The following IFT172 variants were observed in gnomAD, a reference collection of about 807,000 sequenced individuals.
IFT172 encodes the protein intraflagellar transport protein 172 homolog.
Under a neutral mutation model 248.9 loss-of-function variants are expected in IFT172, and 164 were observed. The observed-to-expected ratio is 0.66, with a 90% CI of 0.58 to 0.75. The LOEUF (loss-of-function observed/expected upper bound fraction) is 0.75, where lower values mean the gene tolerates loss of function less well. Ranked by LOEUF, IFT172 falls within the 30% of genes least tolerant of loss-of-function variation. The pLI is 0.00. For synonymous variants in IFT172, 729 were observed against 791.6 expected (o/e 0.92, Z 1.33); for missense variants, 1,950 against 2,192.4 (o/e 0.89, Z 2.21).
In IFT172 at chr2:27,480,163, T is replaced by C. The variant is rs781356965; in HGVS notation, c.786-14A>G. On this transcript the variant is annotated splice_polypyrimidine_tract_variant and intron_variant, in intron 8 of 47. Coordinates refer to ENST00000260570, the MANE Select transcript of IFT172 (RefSeq NM_015662.3). ...AACACCCGAAGCCTGAAATAAAGTA[T>C]GTGGCTTTTAGAAGAGATTGAGGCT... 1.5e-5 allele frequency: 24 copies of C among 1,611,626 alleles called. No individual in the cohort carries two copies. Among genetic ancestry groups the C allele is most frequent in the Non-Finnish European group, 2.0e-5 (23 of 1,179,220 alleles).
At chr2:27,488,203 G>C (rs1482460390) in intron 1 of IFT172, among the ~76,000 whole-genome samples, 1 of 151,942 alleles carries the variant, frequency 6.6e-6, no homozygotes, top group Non-Finnish European at 1.5e-5. Flanking sequence ...CCCCAGGCTG[G>C]AGTGCAGTGG....
chr2:27,455,300 AT>A, intron 30 of IFT172: 1 of 332,532 alleles, frequency 3.0e-6, no homozygotes, highest in Non-Finnish European at 5.8e-6. Flanking sequence ...TAAATTGGCG[AT>A]TTTGAAATAA....
rs775858949 is a variant in IFT172, at chr2:27,449,814, A to T, written c.4051-14T>A. 1.3e-6 allele frequency: 2 copies of T among 1,587,760 alleles called. No homozygotes were observed. The highest frequency in any genetic ancestry group is 1.7e-6 in the Non-Finnish European group (2 of 1,159,936). ...GAGCTCTGCAGCCTGCACAGTGGGA[A>T]ATCAGCGTGGAGACTTTCTCCTCGC... On this transcript the variant is annotated splice_polypyrimidine_tract_variant and intron_variant, in intron 36 of 47. Coordinates refer to ENST00000260570, the MANE Select transcript of IFT172 (RefSeq NM_015662.3).
Position 27,453,705 on chromosome 2 carries a change from C to T in IFT172, c.3746G>A (p.Cys1249Tyr), listed in dbSNP as rs139455520. The T allele has an allele frequency of 1.2e-6, 2 of 1,612,196 alleles. No individual in the cohort carries two copies. Among genetic ancestry groups the T allele is most frequent in the Non-Finnish European group, 1.7e-6 (2 of 1,179,598 alleles). Residue 1249 changes from cysteine to tyrosine, a missense_variant, in exon 34 of 48, where the codon TGC becomes TAC. Cys to Tyr is a radical substitution (Grantham distance 194). Transcript: ENST00000260570. Reference sequence around the variant, plus strand: ...CAGCTGGCTGGGCACATAGTCCTTGCAGATGCGCAGAGCGTCACTCCATAA... The same window carrying T: ...CAGCTGGCTGGGCACATAGTCCTTGTAGATGCGCAGAGCGTCACTCCATAA... The part of the protein sequence containing the change: ...AGLWSDALRI[C>Y]KDYVPSQLEA...
intron 4 of IFT172, 142 bp from the exon 5 acceptor site, chr2:27,484,079 T>C (rs2148557329): frequency 1.5e-6 from 2 of 1,304,456 alleles, no homozygotes; most frequent in East Asian, 4.6e-5. Context: ...AGACAGCAGA[T>C]GACCATGAAC....
intron 42 of IFT172, among the ~76,000 whole-genome samples, chr2:27,447,062 C>T (rs958197610): frequency 6.6e-6 from 1 of 151,878 alleles, no homozygotes; most frequent in Non-Finnish European, 1.5e-5. Context: ...AGGCTGGTCT[C>T]GAACTCCTGG....
At position 27,479,602 on chromosome 2, in the gene IFT172, G is replaced by A; in HGVS notation, c.912C>T (p.Gly304=). 1 of 1,597,984 alleles carries A rather than the reference G, an allele frequency of 6.3e-7. No individual in the cohort carries two copies. The highest frequency in any genetic ancestry group is 8.6e-7 in the Non-Finnish European group (1 of 1,165,438). The change falls in exon 10 of 48, where the codon GGC becomes GGT. Residue 304 remains glycine (G), a splice_region_variant and synonymous_variant. Coordinates refer to ENST00000260570, the MANE Select transcript of IFT172 (RefSeq NM_015662.3). The part of the protein sequence containing the change: ...WKRDGSRLCV[G]TLCGGVEQFD... ...ACTGTTCCACCCCACCACATAGTGT[G>A]CCCTAGAAGGGAAAGTGACAGCATA...
At position 27,454,623 on chromosome 2, in the gene IFT172, G is replaced by C. The variant is rs759417569; in HGVS notation, c.3409C>G (p.Leu1137Val). 1 of 1,614,078 alleles carries C rather than the reference G, an allele frequency of 6.2e-7. No individual in the cohort carries two copies. The highest frequency in any genetic ancestry group is 1.3e-5 in the African/African-American group (1 of 75,004). ...TGAACCTCGGGGGTTTTGTGCTTGA[G>C]GGCCAGCCGAGAGAGTTCAAACGCA... ...EFAFELSRLA[L>V]KHKTPEVHLK... Residue 1137 changes from leucine (L) to valine (V), a missense_variant, in exon 31 of 48, where the codon CTC becomes GTC. Physicochemically the swap from Leu to Val is conservative, Grantham distance 32 (BLOSUM62 1). This residue lies in a region of IFT172 where 164 missense variants were observed against 239.3 expected (regional missense o/e 0.69). Transcript: ENST00000260570. This position sits in a 1 kb window ranked among gnomAD's most constrained non-coding sequence, Gnocchi z 4.2.
chr2:27,470,065 AAAAAGGTGCTT>A (rs1306671417), intron 16 of IFT172, among the ~76,000 whole-genome samples: 2 of 152,122 alleles, frequency 1.3e-5, no homozygotes, highest in African/African-American at 4.8e-5. Context: ...TGGAGAAAAA[AAAAAGGTGCTT>A]AAAGAAATTA....
At chr2:27,459,122 C>T (rs1012980772) in intron 25 of IFT172, 1 of 619,100 alleles carries the variant, frequency 1.6e-6, no homozygotes, top group African/African-American at 1.8e-5. Flanking sequence ...ACTATGTTAG[C>T]ATTATTCATG....
chr2:27,466,793 C>A (rs1205530122), intron 16 of IFT172, among the ~76,000 whole-genome samples: 1 of 151,890 alleles, frequency 6.6e-6, no homozygotes. Context: ...GGGAGGAGCA[C>A]TTGAGCTCAG....
chr2:27,449,923 T>G lies in IFT172; in HGVS notation c.4050+75A>C. The G allele has an allele frequency of 2.1e-6, 3 of 1,434,166 alleles. No individual in the cohort carries two copies. The South Asian group carries it at 3.6e-5, about 17-fold the overall frequency. The allele number at this position is 1,434,166 out of a possible 1,614,324, so 88.8% of individuals were successfully genotyped here. Reference sequence around the variant, plus strand: ...CACCAGGAGGCCCACCTCACACACCTTCCTGGGTGTAGATGTCACCCTTGC... The same window carrying G: ...CACCAGGAGGCCCACCTCACACACCGTCCTGGGTGTAGATGTCACCCTTGC... On this transcript the variant is annotated intron_variant, in intron 36 of 47. Transcript: ENST00000260570.
At chr2:27,448,092 TTTTTAA>T (rs1443694333) in intron 40 of IFT172, among the ~76,000 whole-genome samples, 170 bp from the exon 41 acceptor site, 10 of 152,070 alleles carry the variant, frequency 6.6e-5, no homozygotes, top group Non-Finnish European at 1.5e-4. Context: ...TATTTTTATT[TTTTTAA>T]TTTTATTTAT....
At position 27,485,407 on chromosome 2, in the gene IFT172, G is replaced by A; in HGVS notation, c.136C>T (p.His46Tyr). 2 of 1,614,166 alleles carry A rather than the reference G, an allele frequency of 1.2e-6. No homozygotes were observed. Among genetic ancestry groups the A allele is most frequent in the South Asian group, 2.2e-5 (2 of 91,082 alleles). Reference sequence around the variant, plus strand: ...GAGAATTTATCTCTCCGTTCTCCATGTTCATCATACAGCAAGACCACTCGG... The same window carrying A: ...GAGAATTTATCTCTCCGTTCTCCATATTCATCATACAGCAAGACCACTCGG... Reference protein sequence around the residue: ...VDRVVLLYDEHGERRDKFSTK... With the variant: ...VDRVVLLYDEYGERRDKFSTK... The change falls in exon 2 of 48, where the codon CAT becomes TAT. Residue 46 changes from histidine to tyrosine, a missense_variant. By Grantham distance (83) the His-to-Tyr change is moderately conservative. Coordinates refer to ENST00000260570, the MANE Select transcript of IFT172 (RefSeq NM_015662.3).
rs774405210 is a variant in IFT172, at chr2:27,480,091, C to T, written c.844G>A (p.Glu282Lys). Residue 282 changes from glutamate (E) to lysine (K), a missense_variant, in exon 9 of 48, where the codon GAG (glutamate) becomes AAG (lysine). Glu to Lys is a moderately conservative substitution (Grantham distance 56, BLOSUM62 1). Around this residue, in one of 3 missense-constraint regions of IFT172, gnomAD observed 1,166 missense variants for 1,254.1 expected, o/e 0.93. Coordinates refer to ENST00000260570, the MANE Select transcript of IFT172 (RefSeq NM_015662.3). ...GTGATGGTGTATAAATTGGTAATCT[C>T]CTTGGGCTTTGCCTCTTCCCAGATG... ...RSIWEEAKPK[E>K]ITNLYTITAL... 2.5e-6 allele frequency: 4 copies of T among 1,613,906 alleles called. No homozygotes were observed. The East Asian group carries it at 8.9e-5, about 36-fold the overall frequency.
At position 27,478,954 on chromosome 2, in the gene IFT172, A is replaced by G. The variant is rs1464521300; in HGVS notation, c.1005+555T>C. 4.6e-5 allele frequency among the ~76,000 whole-genome samples: 7 copies of G among 152,300 alleles called. No individual in the cohort carries two copies. In the East Asian group the frequency reaches 1.3e-3, roughly 29 times the overall value. On this transcript the variant is annotated intron_variant, in intron 10 of 47. Transcript: ENST00000260570. ...CCAGTGTGTAGCCAGTAAAGTTTTA[A>G]GTCAGGAAGGCTTAAGTGGCAATCT...
chr2:27,461,908 A>C, intron 20 of IFT172, 72 bp from the exon 21 acceptor site: 1 of 1,554,536 alleles, frequency 6.4e-7, no homozygotes, highest in South Asian at 1.1e-5. Flanking sequence ...AGCTCTCCTC[A>C]GCCTGGCTAA....
chr2:27,465,963 C>A, intron 16 of IFT172, 81 bp from the exon 17 acceptor site: 1 of 1,527,010 alleles, frequency 6.5e-7, no homozygotes, highest in Non-Finnish European at 9.0e-7. Context: ...CCACCCTCAT[C>A]CGACCCAGTC....
In IFT172 at chr2:27,454,622, A is replaced by G; in HGVS notation, c.3410T>C (p.Leu1137Pro). 1.2e-6 allele frequency: 2 copies of G among 1,614,150 alleles called. No individual in the cohort carries two copies. Among genetic ancestry groups the G allele is most frequent in the Non-Finnish European group, 1.7e-6 (2 of 1,180,014 alleles). The change falls in exon 31 of 48, where the codon CTC becomes CCC. Residue 1137 changes from leucine (L) to proline (P), a missense_variant. Coordinates refer to ENST00000260570, the MANE Select transcript of IFT172 (RefSeq NM_015662.3). The surrounding 1 kb of genome is among the most constrained non-coding windows in gnomAD (Gnocchi z 4.2). ...EFAFELSRLA[L>P]KHKTPEVHLK... is the part of the protein sequence containing the mutation. ...ATGAACCTCGGGGGTTTTGTGCTTG[A>G]GGGCCAGCCGAGAGAGTTCAAACGC...
Sources: gnomAD v4.1 joint callset for allele counts (sites outside exome capture counted in the v4.1 genomes callset) on GRCh38, gnomAD v4.1.1 for gene constraint, gnomAD v4.1.1 regional missense constraint, Gnocchi (gnomAD v3.1) non-coding constraint, MANE v1.5 for transcripts, NCBI Gene and HGNC (gene_info 2026-07-23, HGNC 2026-07-21) for gene names.